Variants in SLC44A5 observed in about 807,000 individuals in gnomAD.
SLC44A5 encodes the protein solute carrier family 44 member 5, also known as choline transporter-like protein 5.
A neutral mutation model predicts 101.8 loss-of-function variants in SLC44A5; 57 were observed. The ratio of observed to expected loss-of-function variants is 0.56; its 90% confidence interval spans 0.45 to 0.70. The LOEUF (loss-of-function observed/expected upper bound fraction) is 0.70, where lower values mean the gene tolerates loss of function less well. Among genes scored for constraint, SLC44A5 ranks in the 30% least tolerant of loss-of-function variants. The pLI, the probability that SLC44A5 is intolerant of heterozygous loss-of-function variation, is 0.00. For synonymous variants in SLC44A5, 281 were observed against 290.9 expected, an observed-to-expected ratio of 0.97 and a Z score of 0.35; for missense variants, 737 against 853.1, an observed-to-expected ratio of 0.86 and a Z score of 1.70.
chr1:75,643,297 ATC>A, the SLC44A5 span, among the ~76,000 whole-genome samples: 1 of 152,144 alleles, frequency 6.6e-6, no homozygotes, highest in African/African-American at 2.4e-5. Flanking sequence ...AATTTCCAAA[ATC>A]TCTGGCTGAC....
At chr1:75,282,416 T>C (rs1652678871) in intron 5 of SLC44A5, among the ~76,000 whole-genome samples, 1 of 152,212 alleles carries the variant, frequency 6.6e-6, no homozygotes, top group African/African-American at 2.4e-5. Flanking sequence ...GATGAGACTT[T>C]GGACTTGGAC....
chr1:75,649,532 C>G, the SLC44A5 span, among the ~76,000 whole-genome samples: 1 of 151,950 alleles, frequency 6.6e-6, no homozygotes, highest in Middle Eastern at 3.2e-3. Flanking sequence ...AACCAGGAGA[C>G]CTGATCTAAT....
chr1:75,603,881 A>G (rs1346868429), intron 1 of SLC44A5, among the ~76,000 whole-genome samples: 1 of 147,786 alleles, frequency 6.8e-6, no homozygotes, highest in Non-Finnish European at 1.5e-5. Context: ...TACTTGTTCA[A>G]TTGTTTAAGT....
intron 12 of SLC44A5, among the ~76,000 whole-genome samples, chr1:75,232,573 A>G (rs927923294): frequency 6.6e-6 from 1 of 152,162 alleles, no homozygotes; most frequent in Non-Finnish European, 1.5e-5. Context: ...GAGGAGCCGT[A>G]CAGCAGGAGC....
At chr1:75,236,034 G>C (rs1648047857) in intron 11 of SLC44A5, among the ~76,000 whole-genome samples, 1 of 151,954 alleles carries the variant, frequency 6.6e-6, no homozygotes, top group South Asian at 2.1e-4. Context: ...AGATAATAAA[G>C]GTTATAAATG....
At chr1:75,241,286 C>G (rs1424718305) in intron 9 of SLC44A5, among the ~76,000 whole-genome samples, 1 of 151,808 alleles carries the variant, frequency 6.6e-6, no homozygotes, top group Non-Finnish European at 1.5e-5. Flanking sequence ...TACAGTGGTA[C>G]AATCATAGCT....
At chr1:75,219,679 AAT>A (rs1323133621) in intron 15 of SLC44A5, 119 bp downstream of exon 15, 3 of 654,188 alleles carry the variant, frequency 4.6e-6, no homozygotes. Flanking sequence ...TTGGGAAAAA[AAT>A]AGTTATTTCT....
At chr1:75,252,868 G>A (rs1028044875) in intron 6 of SLC44A5, among the ~76,000 whole-genome samples, 10 of 152,206 alleles carry the variant, frequency 6.6e-5, no homozygotes, top group African/African-American at 2.4e-4. Flanking sequence ...CTGACATTAA[G>A]AGACTGTGGA....
chr1:75,464,938 C>T (rs75968960), intron 2 of SLC44A5, among the ~76,000 whole-genome samples: 4,394 of 152,184 alleles, frequency 0.029, 105 homozygotes, highest in East Asian at 0.094. Flanking sequence ...ACAATAATAG[C>T]TGGAAACTTT....
intron 2 of SLC44A5, among the ~76,000 whole-genome samples, chr1:75,479,797 T>C (rs1667709829): frequency 6.6e-6 from 1 of 152,208 alleles, no homozygotes; most frequent in Non-Finnish European, 1.5e-5. Context: ...ACCAGATGGA[T>C]TCACAGCCGA....
rs1318641538 is a variant in SLC44A5 at position 75,381,648 on chromosome 1, CTG to C, written c.52+14933_52+14934del. Among the ~76,000 whole-genome samples, 25 of 28,940 alleles carry C rather than the reference CTG, an allele frequency of 8.6e-4. 5 individuals carry two copies. Among genetic ancestry groups the C allele is most frequent in the Admixed American group, 2.9e-3 (7 of 2,392 alleles). The allele number at this position is 28,940 out of a possible 152,430, so 19.0% of individuals were successfully genotyped here. On this transcript the variant is annotated intron_variant, in intron 3 of 23. Coordinates refer to ENST00000370859, the MANE Select transcript of SLC44A5 (RefSeq NM_001130058.2). ...TTAAACCAGACTCCCAGACTATAAC[CTG>C]TGAAAATTGTAGATTGCTTACTTGC... is the stretch of plus-strand genomic sequence containing the variant.
At chr1:75,621,317 T>C in the SLC44A5 span, among the ~76,000 whole-genome samples, 1 of 152,196 alleles carries the variant, frequency 6.6e-6, no homozygotes, top group Admixed American at 6.5e-5. Flanking sequence ...ATAATCATTA[T>C]TCTTAGATTT....
At chr1:75,455,279 C>A (rs1666125496) in intron 2 of SLC44A5, among the ~76,000 whole-genome samples, 2 of 151,998 alleles carry the variant, frequency 1.3e-5, no homozygotes, top group South Asian at 4.1e-4. Flanking sequence ...ACTCTCTATT[C>A]AATATATGGT....
chr1:75,600,446 A>T (rs1278864458), intron 1 of SLC44A5, among the ~76,000 whole-genome samples: 1 of 152,176 alleles, frequency 6.6e-6, no homozygotes, highest in Non-Finnish European at 1.5e-5. Context: ...TAACTCTGTA[A>T]ATCATTAGTT....
the SLC44A5 span, among the ~76,000 whole-genome samples, chr1:75,616,951 T>C: frequency 1.3e-5 from 2 of 152,136 alleles, no homozygotes; most frequent in Non-Finnish European, 2.9e-5. Context: ...TCTCTCTGAT[T>C]GGGGGTTTGC....
the SLC44A5 span, among the ~76,000 whole-genome samples, chr1:75,701,905 C>T: frequency 4.6e-5 from 7 of 152,138 alleles, no homozygotes; most frequent in African/African-American, 1.7e-4. Flanking sequence ...CTCCCATTCA[C>T]AATTGCTTCA....
intron 4 of SLC44A5, among the ~76,000 whole-genome samples, chr1:75,302,716 G>C (rs1201473938): frequency 6.6e-6 from 1 of 152,136 alleles, no homozygotes; most frequent in Non-Finnish European, 1.5e-5. Flanking sequence ...CCTGTGCTTT[G>C]GAGCCATTAT....
At chr1:75,246,813 A>C (rs1337263620) in intron 7 of SLC44A5, among the ~76,000 whole-genome samples, 1 of 152,056 alleles carries the variant, frequency 6.6e-6, no homozygotes, top group Non-Finnish European at 1.5e-5. Context: ...GAGAACAGCA[A>C]AGTCTAAGTC....
chr1:75,678,191 G>A, the SLC44A5 span, among the ~76,000 whole-genome samples: 54 of 152,098 alleles, frequency 3.6e-4, no homozygotes, highest in Non-Finnish European at 5.9e-4. Flanking sequence ...GGGGAGGGGC[G>A]CCCACCAATG....
Sources: allele counts gnomAD v4.1 joint callset (sites outside exome capture counted in the v4.1 genomes callset), GRCh38; gene constraint gnomAD v4.1.1; transcripts MANE v1.5; gene names NCBI Gene and HGNC (gene_info 2026-07-23, HGNC 2026-07-21).